The following NRXN3 variants were observed in gnomAD, a reference collection of about 807,000 sequenced individuals.
The protein encoded by NRXN3 is neurexin 3.
In NRXN3, 32 loss-of-function variants were observed where a neutral mutation model predicts 137.6. That is an observed-to-expected ratio of 0.23 (90% CI 0.18 to 0.31). NRXN3 has a LOEUF of 0.31. NRXN3 is among the 10% of genes least tolerant of loss of function. NRXN3 has a pLI of 1.00. For missense variants in NRXN3, 1,574 were observed against 2,062.5 expected, an observed-to-expected ratio of 0.76 and a Z score of 4.59; for synonymous variants, 798 against 784.5, an observed-to-expected ratio of 1.02 and a Z score of -0.29.
intron 15 of NRXN3, among the ~76,000 whole-genome samples, chr14:79,068,722 G>C (rs1378853328): frequency 1.3e-5 from 2 of 152,034 alleles, no homozygotes; most frequent in Non-Finnish European, 2.9e-5. Flanking sequence ...ACTCAAAAAA[G>C]AGGAAAGAAT....
At chr14:78,647,076 C>T (rs919607552) in intron 5 of NRXN3, among the ~76,000 whole-genome samples, 6 of 152,322 alleles carry the variant, frequency 3.9e-5, no homozygotes, top group East Asian at 1.9e-4. Flanking sequence ...TTCTCTACCT[C>T]TCTCCCACCA....
intron 16 of NRXN3, among the ~76,000 whole-genome samples, chr14:79,616,783 T>C (rs72696772): frequency 0.14 from 21,194 of 152,162 alleles, 1,633 homozygotes; most frequent in South Asian, 0.25. Context: ...GACCTGAATA[T>C]CAGAGAAGGG....
intron 1 of NRXN3, among the ~76,000 whole-genome samples, chr14:78,205,592 T>TTCAAGG (rs991517385): frequency 1.3e-5 from 2 of 152,294 alleles, no homozygotes; most frequent in African/African-American, 4.8e-5. Flanking sequence ...AAGAGGAGTA[T>TTCAAGG]TCCAGGTAGA....
chr14:79,866,885 G>A lies in NRXN3; in HGVS notation c.*4921G>A, dbSNP rs1243876941. ...GTGTTCTGGATATATTAAAGGACAAGGTCAGATACCCAAGTGGGACCGTGA... is the reference window on the plus strand; with the variant it reads ...GTGTTCTGGATATATTAAAGGACAAAGTCAGATACCCAAGTGGGACCGTGA... On this transcript the variant is annotated 3_prime_UTR_variant, in exon 21 of 21. Transcript: ENST00000335750. 6.6e-6 allele frequency: 1 copy of A among 152,174 alleles called. No individual in the cohort carries two copies. The allele number at this position is 152,174 out of a possible 1,614,324, so 9.4% of individuals were successfully genotyped here. A position where few individuals can be genotyped will look rare whatever the true frequency, so the allele number is the denominator to read the frequency against.
intron 15 of NRXN3, among the ~76,000 whole-genome samples, chr14:79,068,910 C>T (rs1263593558): frequency 6.6e-6 from 1 of 151,978 alleles, no homozygotes; most frequent in Non-Finnish European, 1.5e-5. Context: ...GGGGAGAAGA[C>T]AAAGCAGAAA....
chr14:78,726,573 A>G (rs1333871145), intron 8 of NRXN3, among the ~76,000 whole-genome samples: 1 of 132,692 alleles, frequency 7.5e-6, no homozygotes, highest in Non-Finnish European at 1.5e-5. Context: ...GCTGAAGTGC[A>G]GTGATGCAAT....
Position 78,243,932 on chromosome 14 carries a change from A to G in NRXN3, c.709+130A>G. 1 of 688,422 alleles carries G rather than the reference A, an allele frequency of 1.5e-6. No homozygotes were observed. The highest frequency in any genetic ancestry group is 2.4e-6 in the Non-Finnish European group (1 of 414,490). The allele number at this position is 688,422 out of a possible 1,614,324, so 42.6% of individuals were successfully genotyped here. On this transcript the variant is annotated intron_variant, in intron 2 of 20. Transcript: ENST00000335750. The surrounding 1 kb of genome is among the most constrained non-coding windows in gnomAD (Gnocchi z 4.2). ...GTTAGATCACTGGGCCCCTTGCCCT[A>G]AGGAGGCAGTGGAAATCCTTTGCCT...
chr14:79,250,214 G>T (rs528935079), intron 15 of NRXN3, among the ~76,000 whole-genome samples: 1 of 152,210 alleles, frequency 6.6e-6, no homozygotes, highest in Non-Finnish European at 1.5e-5. Flanking sequence ...CTAAGTAAAT[G>T]AATAATAAAT....
chr14:78,979,711 C>T (rs2099484141), intron 14 of NRXN3, among the ~76,000 whole-genome samples: 1 of 152,146 alleles, frequency 6.6e-6, no homozygotes. Context: ...ACTTAATGTA[C>T]TCATAGTTCC....
intron 10 of NRXN3, among the ~76,000 whole-genome samples, chr14:78,904,315 A>G (rs2099207755): frequency 6.6e-6 from 1 of 152,010 alleles, no homozygotes; most frequent in Non-Finnish European, 1.5e-5. Context: ...GGATGCTGCT[A>G]AATATCTCAG....
rs1162668208 is a variant in NRXN3 at position 79,718,415 on chromosome 14, A to G, written c.4014+20478A>G. 2.6e-5 allele frequency among the ~76,000 whole-genome samples: 4 copies of G among 152,202 alleles called. No homozygotes were observed. In the South Asian group the frequency reaches 8.3e-4, roughly 31 times the overall value. ...TGTGGAAAGCAGTTTAGGTTTTATA[A>G]AAGTGCAATGGCAAACTATTAGAAC... is the stretch of plus-strand genomic sequence containing the variant. On this transcript the variant is annotated intron_variant, in intron 19 of 20. Coordinates refer to ENST00000335750, the MANE Select transcript of NRXN3 (RefSeq NM_001330195.2).
chr14:78,872,612 T>C (rs998395190), intron 10 of NRXN3, among the ~76,000 whole-genome samples: 12 of 152,168 alleles, frequency 7.9e-5, no homozygotes, highest in African/African-American at 2.7e-4. Flanking sequence ...TGTATAATTA[T>C]AGCAATTTTC....
At position 78,960,282 on chromosome 14, in the gene NRXN3, T is replaced by C. The variant is rs2099405564; in HGVS notation, c.2395+2921T>C. 1.3e-5 allele frequency among the ~76,000 whole-genome samples: 2 copies of C among 152,192 alleles called. 1 individual carries two copies. Among genetic ancestry groups the C allele is most frequent in the South Asian group, 4.1e-4 (2 of 4,834 alleles). On this transcript the variant is annotated intron_variant, in intron 11 of 20. Coordinates refer to ENST00000335750, the MANE Select transcript of NRXN3 (RefSeq NM_001330195.2). ...AGTTACAATCTTGGGTTGCTTTTTA[T>C]AGTGATAAGGGGTTGGGAAATTTTA...
chr14:78,452,752 G>A, intron 4 of NRXN3, among the ~76,000 whole-genome samples: 1 of 152,172 alleles, frequency 6.6e-6, no homozygotes, highest in East Asian at 1.9e-4. Context: ...TGCAGCTTAA[G>A]CACTAGTTAG....
intron 10 of NRXN3, among the ~76,000 whole-genome samples, chr14:78,897,878 A>G (rs1311763962): frequency 6.6e-6 from 1 of 151,950 alleles, no homozygotes; most frequent in Non-Finnish European, 1.5e-5. Context: ...GATGGCATAT[A>G]CCTTATTAAT....
At chr14:79,584,191 G>C (rs1330596566) in intron 16 of NRXN3, among the ~76,000 whole-genome samples, 1 of 152,100 alleles carries the variant, frequency 6.6e-6, no homozygotes, top group African/African-American at 2.4e-5. Context: ...ACTACTCCTA[G>C]CCCCCAGGCC....
rs1025825000 is a variant in NRXN3, at chr14:79,025,738, A to G, written c.3262+37597A>G. On this transcript the variant is annotated intron_variant, in intron 15 of 20. Transcript: ENST00000335750. ...GGATTATTTTCTTTGGCGATGGGTG[A>G]CTGTTCAGCTGAAACTAACAGAAAA... is the stretch of plus-strand genomic sequence containing the variant. Among the ~76,000 whole-genome samples, 4 of 152,294 alleles carry G rather than the reference A, an allele frequency of 2.6e-5. No individual in the cohort carries two copies. The East Asian group carries it at 7.7e-4, about 29-fold the overall frequency.
chr14:78,824,154 A>T (rs1235741360), intron 10 of NRXN3, among the ~76,000 whole-genome samples: 10 of 132,646 alleles, frequency 7.5e-5, no homozygotes, highest in African/African-American at 2.7e-4. Context: ...GCTCCTTAGG[A>T]AAGAATCCTG....
intron 15 of NRXN3, among the ~76,000 whole-genome samples, chr14:79,206,491 A>G (rs2066808414): frequency 6.6e-6 from 1 of 152,208 alleles, no homozygotes; most frequent in Non-Finnish European, 1.5e-5. Context: ...CTGGGGATAC[A>G]GCTGCTGTTA....
Sources: allele counts gnomAD v4.1 joint callset (sites outside exome capture counted in the v4.1 genomes callset), GRCh38; gene constraint gnomAD v4.1.1; non-coding constraint Gnocchi (gnomAD v3.1); transcripts MANE v1.5; gene names NCBI Gene and HGNC (gene_info 2026-07-23, HGNC 2026-07-21).